The following NLN variants were observed in gnomAD, a reference collection of about 807,000 sequenced individuals.
NLN encodes neurolysin.
Under a neutral mutation model 79.9 loss-of-function variants are expected in NLN, and 64 were observed. The ratio of observed to expected loss-of-function variants is 0.80; its 90% CI spans 0.65 to 0.99. NLN has a LOEUF of 0.99. Among genes scored for constraint, NLN ranks in the 50% least tolerant of loss-of-function variants. NLN has a pLI of 0.00. For missense variants in NLN, 835 were observed against 858.7 expected (o/e 0.97, Z 0.34); for synonymous variants, 267 against 296.6 (o/e 0.90, Z 1.02).
In NLN at chr5:65,788,238, A is replaced by G. The variant is rs1006994687; in HGVS notation, c.1079A>G (p.Asp360Gly). The G allele has an allele frequency of 1.1e-5, 18 of 1,614,084 alleles. No individual in the cohort carries two copies. The highest frequency in any genetic ancestry group is 1.5e-5 in the Non-Finnish European group (18 of 1,180,040). The change falls in exon 8 of 13, where the codon GAT (aspartate) becomes GGT (glycine). Residue 360 changes from aspartate (D) to glycine (G), a missense_variant. By Grantham distance (94) the Asp-to-Gly change is moderately conservative. Transcript: ENST00000380985. ...FEYDGKINAW[D>G]LYYYMTQTEE... ...TATGATGGGAAAATCAATGCCTGGG[A>G]TCTATATTACTACATGACTCAGACA...
intron 1 of NLN, among the ~76,000 whole-genome samples, chr5:65,730,353 TG>T (rs1265912063): frequency 6.6e-6 from 1 of 152,176 alleles, no homozygotes; most frequent in African/African-American, 2.4e-5. Context: ...AGTTGTGCTA[TG>T]TGAATACCTG....
At chr5:65,764,238 T>G (rs1561191961) in intron 3 of NLN, among the ~76,000 whole-genome samples, 2 of 152,056 alleles carry the variant, frequency 1.3e-5, no homozygotes, top group Non-Finnish European at 2.9e-5. Context: ...TTTCACATTC[T>G]GTGATTCTTA....
At chr5:65,789,767 A>C (rs1415045873) in intron 8 of NLN, among the ~76,000 whole-genome samples, 2 of 152,196 alleles carry the variant, frequency 1.3e-5, no homozygotes, top group East Asian at 3.8e-4. Context: ...AAATAAATAA[A>C]ATTGAGCACC....
chr5:65,749,676 A>G (rs972827562), intron 1 of NLN, among the ~76,000 whole-genome samples: 24 of 152,176 alleles, frequency 1.6e-4, no homozygotes, highest in Admixed American at 1.5e-3. Context: ...GTTCACAAAT[A>G]TTTGCTGTGT....
intron 6 of NLN, among the ~76,000 whole-genome samples, chr5:65,782,617 G>A (rs886888657): frequency 4.6e-5 from 7 of 152,162 alleles, no homozygotes; most frequent in Admixed American, 4.6e-4. Context: ...TCAGTAACTC[G>A]GAGTGACAGC....
chr5:65,743,891 G>T (rs980479643), intron 1 of NLN, among the ~76,000 whole-genome samples: 1 of 152,016 alleles, frequency 6.6e-6, no homozygotes, highest in Non-Finnish European at 1.5e-5. Context: ...CATTAAACCC[G>T]TGTACCCACC....
At chr5:65,816,863 G>A (rs534689492) in intron 12 of NLN, among the ~76,000 whole-genome samples, 1 of 152,298 alleles carries the variant, frequency 6.6e-6, no homozygotes, top group Non-Finnish European at 1.5e-5. Context: ...ATTTTGAGAA[G>A]GTAGCGGGAT....
rs1561213269 is a variant in NLN, at chr5:65,812,243, C to CT, written c.1844-5dup. The CT allele has an allele frequency of 1.2e-6, 2 of 1,612,556 alleles. No homozygotes were observed. Among genetic ancestry groups the CT allele is most frequent in the East Asian group, 4.5e-5 (2 of 44,860 alleles). ...TGCTATCACATTGATTGAAATGTAT[C>CT]TTTTTTTAAAGGCACAAATATGCCA... is the stretch of plus-strand genomic sequence containing the variant. On this transcript the variant is annotated splice_polypyrimidine_tract_variant and intron_variant, in intron 11 of 12. Coordinates refer to ENST00000380985, the MANE Select transcript of NLN (RefSeq NM_020726.5).
intron 9 of NLN, among the ~76,000 whole-genome samples, chr5:65,797,758 C>T (rs554894733): frequency 2.0e-5 from 3 of 152,164 alleles, no homozygotes; most frequent in Non-Finnish European, 4.4e-5. Context: ...CAATATACAA[C>T]TCAAAACTAG....
At chr5:65,803,634 G>A (rs2150770601) in intron 9 of NLN, among the ~76,000 whole-genome samples, 1 of 151,902 alleles carries the variant, frequency 6.6e-6, no homozygotes, top group African/African-American at 2.4e-5. Flanking sequence ...AAGAGTACAG[G>A]GATGCCCAGG....
At chr5:65,746,026 C>G (rs1360617602) in intron 1 of NLN, among the ~76,000 whole-genome samples, 2 of 152,018 alleles carry the variant, frequency 1.3e-5, no homozygotes, top group African/African-American at 4.8e-5. Context: ...GTGGAGCTAC[C>G]CAACAGGCAG....
intron 1 of NLN, among the ~76,000 whole-genome samples, chr5:65,736,176 T>C (rs756613002): frequency 2.6e-5 from 4 of 152,242 alleles, no homozygotes; most frequent in South Asian, 4.1e-4. Flanking sequence ...CTCTTGCTTT[T>C]CTTTATAAAC....
At chr5:65,741,597 C>G (rs1470475714) in intron 1 of NLN, among the ~76,000 whole-genome samples, 2 of 152,078 alleles carry the variant, frequency 1.3e-5, no homozygotes, top group Non-Finnish European at 2.9e-5. Flanking sequence ...GAGTAATTTA[C>G]TAAGGACTTC....
intron 1 of NLN, among the ~76,000 whole-genome samples, chr5:65,736,404 T>A (rs1419886722): frequency 1.3e-5 from 2 of 152,248 alleles, no homozygotes; most frequent in African/African-American, 4.8e-5. Context: ...TGTCTCCTGA[T>A]ACATATGTGT....
In NLN at chr5:65,771,997, C is replaced by T. The variant is rs559069391; in HGVS notation, c.451-5430C>T. 2.0e-3 allele frequency among the ~76,000 whole-genome samples: 293 copies of T among 147,436 alleles called. 3 individuals carry two copies. The highest frequency in any genetic ancestry group is 7.1e-3 in the African/African-American group (290 of 40,666). On this transcript the variant is annotated intron_variant, in intron 3 of 12. Transcript: ENST00000380985. Reference sequence around the variant, plus strand: ...AAAAAAGATATCCCAAATTCATTTACAATTTCATTCCTTTTATTTTCCATG... The same window carrying T: ...AAAAAAGATATCCCAAATTCATTTATAATTTCATTCCTTTTATTTTCCATG...
In NLN at chr5:65,729,376, T is replaced by C. The variant is rs1385397157; in HGVS notation, c.41+6962T>C. Among the ~76,000 whole-genome samples, 39 of 145,068 alleles carry C rather than the reference T, an allele frequency of 2.7e-4. No homozygotes were observed. The South Asian group carries it at 3.9e-3, about 15-fold the overall frequency. On this transcript the variant is annotated intron_variant, in intron 1 of 12. Coordinates refer to ENST00000380985, the MANE Select transcript of NLN (RefSeq NM_020726.5). The stretch of plus-strand genomic sequence containing the variant: ...TAAAATAGGTTTTCTTTTCTTTTTT[T>C]TTTTTTTTTTTTTTTTAGGATGGAG...
chr5:65,722,492 C>T, intron 1 of NLN, 78 bp downstream of exon 1: 1 of 1,330,850 alleles, frequency 7.5e-7, no homozygotes, highest in Non-Finnish European at 1.0e-6. Flanking sequence ...AGCCCGGACC[C>T]ACCCCTTCCC....
At chr5:65,798,383 G>T (rs957697177) in intron 9 of NLN, among the ~76,000 whole-genome samples, 1 of 152,174 alleles carries the variant, frequency 6.6e-6, no homozygotes, top group Non-Finnish European at 1.5e-5. Flanking sequence ...ATTATTCATG[G>T]TCTGAATTTG....
chr5:65,779,694 T>C (rs894220416), intron 4 of NLN, among the ~76,000 whole-genome samples: 34 of 152,312 alleles, frequency 2.2e-4, no homozygotes, highest in African/African-American at 7.9e-4. Context: ...TTACTGTACC[T>C]CCTAAATTTA....
Sources: allele counts gnomAD v4.1 joint callset (sites outside exome capture counted in the v4.1 genomes callset), GRCh38; gene constraint gnomAD v4.1.1; transcripts MANE v1.5; gene names NCBI Gene and HGNC (gene_info 2026-07-23, HGNC 2026-07-21).